The following GTF2F2 variants were observed in gnomAD, a reference collection of about 807,000 sequenced individuals.
GTF2F2 encodes general transcription factor IIF subunit 2, also known as ATP-dependent helicase GTF2F2.
GTF2F2 carries 23 observed loss-of-function variants against 42.2 expected under a neutral mutation model. The ratio of observed to expected loss-of-function variants is 0.55; its 90% confidence interval spans 0.39 to 0.77. The LOEUF (loss-of-function observed/expected upper bound fraction) is 0.77, where lower values mean the gene tolerates loss of function less well. Among genes scored for constraint, GTF2F2 ranks in the 30% least tolerant of loss-of-function variants. The probability of loss-of-function intolerance (pLI) is 0.00; values close to 1 mark genes in which losing one functional copy is unlikely to be tolerated. For synonymous variants in GTF2F2, 105 were observed against 100.8 expected (o/e 1.04, Z -0.25); for missense variants, 261 against 287.2 (o/e 0.91, Z 0.66).
intron 4 of GTF2F2, among the ~76,000 whole-genome samples, chr13:45,195,855 C>T (rs1872865272): frequency 6.6e-6 from 1 of 152,018 alleles, no homozygotes; most frequent in Admixed American, 6.6e-5. Flanking sequence ...AAGTTTTTGC[C>T]ATGTTGCCCA....
At chr13:45,242,563 T>C (rs1478925242) in intron 5 of GTF2F2, among the ~76,000 whole-genome samples, 2 of 152,156 alleles carry the variant, frequency 1.3e-5, no homozygotes, top group African/African-American at 2.4e-5. Context: ...ACATTGACAG[T>C]TGCTGGTGGA....
chr13:45,133,254 G>A (rs993905230), intron 1 of GTF2F2, among the ~76,000 whole-genome samples: 12 of 152,226 alleles, frequency 7.9e-5, no homozygotes, highest in East Asian at 5.8e-4. Context: ...TAGAGTCAGC[G>A]AATTGAGGGT....
chr13:45,275,770 C>T (rs1016623817), intron 7 of GTF2F2, among the ~76,000 whole-genome samples: 4 of 152,078 alleles, frequency 2.6e-5, no homozygotes, highest in Non-Finnish European at 5.9e-5. Flanking sequence ...CATACGTGTG[C>T]ATGTGTCTTT....
chr13:45,189,918 A>C (rs942342545), intron 4 of GTF2F2, among the ~76,000 whole-genome samples: 2 of 151,832 alleles, frequency 1.3e-5, no homozygotes, highest in African/African-American at 4.8e-5. Flanking sequence ...GTAATACCAT[A>C]GGCAGTACCA....
At chr13:45,163,327 G>A (rs1871123138) in intron 4 of GTF2F2, among the ~76,000 whole-genome samples, 1 of 152,132 alleles carries the variant, frequency 6.6e-6, no homozygotes, top group South Asian at 2.1e-4. Context: ...CAATTAAAAT[G>A]TAAATTACTT....
intron 6 of GTF2F2, among the ~76,000 whole-genome samples, chr13:45,254,917 A>G (rs771907879): frequency 1.3e-5 from 2 of 152,148 alleles, no homozygotes; most frequent in Non-Finnish European, 2.9e-5. Flanking sequence ...CTGTAATCCC[A>G]GCACTTTGGG....
chr13:45,254,069 CAAAA>C (rs770265378), intron 6 of GTF2F2, among the ~76,000 whole-genome samples: 11 of 58,192 alleles, frequency 1.9e-4, no homozygotes, highest in Non-Finnish European at 3.4e-4. Flanking sequence ...GACTCCGTCT[CAAAA>C]AAAAAAAAAA....
intron 2 of GTF2F2, among the ~76,000 whole-genome samples, chr13:45,144,457 CTTTTT>C (rs11326737): frequency 2.7e-5 from 2 of 74,040 alleles, no homozygotes; most frequent in African/African-American, 5.3e-5. Flanking sequence ...TTTTTTTGGT[CTTTTT>C]TTTTTTTTTT....
At chr13:45,140,999 A>C (rs558161617) in intron 2 of GTF2F2, among the ~76,000 whole-genome samples, 1 of 152,212 alleles carries the variant, frequency 6.6e-6, no homozygotes, top group Non-Finnish European at 1.5e-5. Context: ...TTCCCAACCC[A>C]TAGGATGTTT....
chr13:45,164,690 C>T (rs1477384217), intron 4 of GTF2F2, among the ~76,000 whole-genome samples: 1 of 152,118 alleles, frequency 6.6e-6, no homozygotes, highest in Non-Finnish European at 1.5e-5. Flanking sequence ...TGTGCCACTG[C>T]ACTCCAGTGT....
chr13:45,248,472 G>GTTTTTGT (rs988881387), intron 5 of GTF2F2, among the ~76,000 whole-genome samples: 4 of 150,756 alleles, frequency 2.7e-5, no homozygotes, highest in Non-Finnish European at 5.9e-5. Flanking sequence ...TGTTTTTTTG[G>GTTTTTGT]TTTTTGTTTT....
chr13:45,181,678 C>T (rs1165317314), intron 4 of GTF2F2, among the ~76,000 whole-genome samples: 2 of 151,942 alleles, frequency 1.3e-5, no homozygotes, highest in Admixed American at 6.6e-5. Context: ...GCTATATAAG[C>T]CAAAAAAACT....
rs564001676 is a variant in GTF2F2 at position 45,146,304 on chromosome 13, G to T, written c.141-3466G>T. 5.9e-5 allele frequency among the ~76,000 whole-genome samples: 9 copies of T among 152,088 alleles called. No individual in the cohort carries two copies. In the East Asian group the frequency reaches 1.7e-3, roughly 29 times the overall value. ...TGAGTCTAGGAGTTCGAAACCAGCTGGGGCAACATAGTGAGACCCTGTCTC... is the reference window on the plus strand; with the variant it reads ...TGAGTCTAGGAGTTCGAAACCAGCTTGGGCAACATAGTGAGACCCTGTCTC... On this transcript the variant is annotated intron_variant, in intron 2 of 7. Coordinates refer to ENST00000340473, the MANE Select transcript of GTF2F2 (RefSeq NM_004128.3).
chr13:45,144,854 A>G (rs1870116431), intron 2 of GTF2F2, among the ~76,000 whole-genome samples: 1 of 152,332 alleles, frequency 6.6e-6, no homozygotes, highest in Non-Finnish European at 1.5e-5. Context: ...TTATACTGAT[A>G]ATATGATGAC....
At chr13:45,251,347 A>G (rs1229624766) in intron 5 of GTF2F2, among the ~76,000 whole-genome samples, 1 of 152,198 alleles carries the variant, frequency 6.6e-6, no homozygotes, top group Admixed American at 6.5e-5. Context: ...CAAAGAATTT[A>G]AAGTCCCATT....
intron 4 of GTF2F2, among the ~76,000 whole-genome samples, chr13:45,198,520 C>T (rs764096163): frequency 6.6e-6 from 1 of 152,210 alleles, no homozygotes; most frequent in Non-Finnish European, 1.5e-5. Flanking sequence ...CAGGGAGCTT[C>T]TGTCTCCACA....
Position 45,136,149 on chromosome 13 carries a change from A to T in GTF2F2, c.67-584A>T, listed in dbSNP as rs554063179. On this transcript the variant is annotated intron_variant, in intron 1 of 7. Transcript: ENST00000340473. ...AGTCCCTGAGTGCCTCAAATTCATC[A>T]TCTGTAAAATGGGGGTAATAGTACC... Among the ~76,000 whole-genome samples, 9 of 152,346 alleles carry T rather than the reference A, an allele frequency of 5.9e-5. No homozygotes were observed. In the South Asian group the frequency reaches 1.9e-3, roughly 32 times the overall value.
chr13:45,251,862 C>G (rs1206930561), intron 5 of GTF2F2, among the ~76,000 whole-genome samples: 1 of 152,106 alleles, frequency 6.6e-6, no homozygotes, highest in African/African-American at 2.4e-5. Flanking sequence ...ATTTTGATAT[C>G]TTGCTGATGA....
At chr13:45,144,882 C>G (rs539574612) in intron 2 of GTF2F2, among the ~76,000 whole-genome samples, 38 of 152,114 alleles carry the variant, frequency 2.5e-4, no homozygotes, top group Non-Finnish European at 4.9e-4. Context: ...CAATTTGTTA[C>G]AAACTTTCTG....
Sources: allele counts gnomAD v4.1 joint callset (sites outside exome capture counted in the v4.1 genomes callset), GRCh38; gene constraint gnomAD v4.1.1; transcripts MANE v1.5; gene names NCBI Gene and HGNC (gene_info 2026-07-23, HGNC 2026-07-21).